Variants in NEK11 observed in about 807,000 individuals in gnomAD.
NEK11 encodes the protein serine/threonine-protein kinase Nek11.
In NEK11, 72 loss-of-function variants were observed where a neutral mutation model predicts 80.7. The observed-to-expected ratio is 0.89, with a 90% CI of 0.74 to 1.08. The LOEUF (loss-of-function observed/expected upper bound fraction) is 1.08. Among genes scored for constraint, NEK11 ranks in the 50% least tolerant of loss-of-function variants. The pLI is 0.00. For missense variants in NEK11, 764 were observed against 763.6 expected (o/e 1.00, Z -0.01); for synonymous variants, 251 against 260.7 (o/e 0.96, Z 0.36).
At chr3:131,146,429 T>G (rs978786486) in intron 7 of NEK11, among the ~76,000 whole-genome samples, 1 of 152,136 alleles carries the variant, frequency 6.6e-6, no homozygotes, top group African/African-American at 2.4e-5. Flanking sequence ...CTCTCTGAGC[T>G]TTGGTTTTCT....
intron 14 of NEK11, among the ~76,000 whole-genome samples, chr3:131,185,463 C>A (rs772831420): frequency 1.3e-5 from 2 of 152,138 alleles, no homozygotes; most frequent in African/African-American, 4.8e-5. Flanking sequence ...TTTGAACCAG[C>A]TTTTACTGGT....
chr3:131,293,406 C>T (rs776606926), intron 17 of NEK11, among the ~76,000 whole-genome samples: 2 of 152,018 alleles, frequency 1.3e-5, no homozygotes, highest in African/African-American at 2.4e-5. Context: ...GATTTTTGAA[C>T]ACTGAACTAG....
At chr3:131,132,086 TG>T (rs761882015) in intron 5 of NEK11, among the ~76,000 whole-genome samples, 2 of 152,126 alleles carry the variant, frequency 1.3e-5, no homozygotes, top group Non-Finnish European at 2.9e-5. Flanking sequence ...CTTTCAAATT[TG>T]TTAATGTTTT....
chr3:131,061,990 G>C (rs1252312311), intron 3 of NEK11, among the ~76,000 whole-genome samples: 1 of 152,182 alleles, frequency 6.6e-6, no homozygotes, highest in African/African-American at 2.4e-5. Flanking sequence ...AGATAACTGA[G>C]TTGATAACGA....
chr3:131,314,015 G>A (rs1043270225), intron 17 of NEK11, among the ~76,000 whole-genome samples: 1 of 152,108 alleles, frequency 6.6e-6, no homozygotes, highest in African/African-American at 2.4e-5. Context: ...ATTTATTCTT[G>A]TAATGACATC....
At chr3:131,147,506 T>G in intron 7 of NEK11, among the ~76,000 whole-genome samples, 1 of 152,056 alleles carries the variant, frequency 6.6e-6, no homozygotes, top group African/African-American at 2.4e-5. Flanking sequence ...TAATAAATCT[T>G]GATATTTGGT....
chr3:131,273,845 A>G (rs1271958770), intron 17 of NEK11, among the ~76,000 whole-genome samples: 1 of 152,228 alleles, frequency 6.6e-6, no homozygotes, highest in African/African-American at 2.4e-5. Flanking sequence ...CATCCATGCT[A>G]ATGTTTGAAA....
intron 4 of NEK11, among the ~76,000 whole-genome samples, chr3:131,098,563 A>G (rs1260909291): frequency 4.7e-5 from 7 of 147,804 alleles, no homozygotes; most frequent in Non-Finnish European, 1.0e-4. Context: ...GTGCCTGTTC[A>G]TGTCCTTTGC....
rs566803993 is a variant in NEK11 at position 131,228,750 on chromosome 3, GA to G, written c.1560+63del. ...TCAAGGTACTGATTGGACTCTCCCAGAGAAGAAAGGAAGTCTTATAAGGTGA... is the reference window on the plus strand; with the variant it reads ...TCAAGGTACTGATTGGACTCTCCCAGGAAGAAAGGAAGTCTTATAAGGTGA... On this transcript the variant is annotated intron_variant, in intron 15 of 17. Coordinates refer to ENST00000383366, the MANE Select transcript of NEK11 (RefSeq NM_024800.5). 180 of 1,494,206 alleles carry G rather than the reference GA, an allele frequency of 1.2e-4. No homozygotes were observed. The African/African-American group carries it at 2.3e-3, about 19-fold the overall frequency. 92.6% of individuals were successfully genotyped at this position (1,494,206 alleles called of 1,614,324 possible).
chr3:131,318,677 C>G (rs1348645399), intron 17 of NEK11, among the ~76,000 whole-genome samples: 1 of 151,068 alleles, frequency 6.6e-6, no homozygotes. Context: ...AAGGAAGATG[C>G]AGAACAATAG....
At chr3:131,288,598 A>C (rs1441625273) in intron 17 of NEK11, among the ~76,000 whole-genome samples, 1 of 151,678 alleles carries the variant, frequency 6.6e-6, no homozygotes, top group Non-Finnish European at 1.5e-5. Context: ...GATTATAGGC[A>C]TGCACCACCG....
intron 10 of NEK11, among the ~76,000 whole-genome samples, chr3:131,161,644 A>G (rs775292488): frequency 4.6e-5 from 7 of 152,178 alleles, no homozygotes; most frequent in African/African-American, 1.4e-4. Context: ...GAACACATGG[A>G]CACATAGAGG....
chr3:131,199,007 G>A (rs2094132387), intron 14 of NEK11, among the ~76,000 whole-genome samples: 2 of 152,132 alleles, frequency 1.3e-5, no homozygotes, highest in Non-Finnish European at 2.9e-5. Flanking sequence ...GAGTGCCCTG[G>A]TGCCTTTGGA....
chr3:131,315,120 GTGTA>G (rs1179439610), intron 17 of NEK11, among the ~76,000 whole-genome samples: 1 of 152,060 alleles, frequency 6.6e-6, no homozygotes, highest in African/African-American at 2.4e-5. Flanking sequence ...GTTTCTTTGT[GTGTA>G]TGTAATAAAA....
intron 3 of NEK11, among the ~76,000 whole-genome samples, chr3:131,063,089 A>G (rs1357618894): frequency 6.6e-6 from 1 of 152,238 alleles, no homozygotes; most frequent in East Asian, 1.9e-4. Flanking sequence ...CAGTGGCACA[A>G]TCACTGCTCA....
chr3:131,085,872 A>C (rs2075906910), intron 4 of NEK11, among the ~76,000 whole-genome samples: 1 of 152,064 alleles, frequency 6.6e-6, no homozygotes, highest in Non-Finnish European at 1.5e-5. Context: ...CATTGCATTT[A>C]GTTCTATTTC....
At chr3:131,319,940 C>A (rs2096881230) in intron 17 of NEK11, among the ~76,000 whole-genome samples, 1 of 151,896 alleles carries the variant, frequency 6.6e-6, no homozygotes, top group Non-Finnish European at 1.5e-5. Flanking sequence ...TTCAATATTT[C>A]TTGTCAAGAA....
chr3:131,117,171 C>T (rs1437797514), intron 5 of NEK11, among the ~76,000 whole-genome samples: 4 of 152,132 alleles, frequency 2.6e-5, no homozygotes, highest in Non-Finnish European at 4.4e-5. Context: ...AAGGAAGGGA[C>T]CCAGTTTCAG....
intron 14 of NEK11, among the ~76,000 whole-genome samples, chr3:131,185,643 C>G (rs1331446587): frequency 6.6e-6 from 1 of 152,216 alleles, no homozygotes; most frequent in Non-Finnish European, 1.5e-5. Context: ...GAGAAGCAGA[C>G]TTCCACAGAT....
Sources: gnomAD v4.1 joint callset for allele counts (sites outside exome capture counted in the v4.1 genomes callset) on GRCh38, gnomAD v4.1.1 for gene constraint, MANE v1.5 for transcripts, NCBI Gene and HGNC (gene_info 2026-07-23, HGNC 2026-07-21) for gene names.